The following PITPNM2 variants were observed in gnomAD, a reference collection of about 807,000 sequenced individuals.
PITPNM2 encodes membrane-associated phosphatidylinositol transfer protein 2.
In PITPNM2, 35 loss-of-function variants were observed where a neutral mutation model predicts 132.2. The ratio of observed to expected loss-of-function variants is 0.26; its 90% confidence interval spans 0.20 to 0.35. PITPNM2 has a LOEUF of 0.35. Among genes scored for constraint, PITPNM2 ranks in the 10% least tolerant of loss-of-function variants. PITPNM2 has a pLI of 1.00. For synonymous variants in PITPNM2, 738 were observed against 799.2 expected (o/e 0.92, Z 1.29); for missense variants, 1,332 against 1,912.0 (o/e 0.70, Z 5.66).
At chr12:123,013,781 G>C (rs1391688430) in intron 4 of PITPNM2, 47 bp downstream of exon 4, 24 of 1,584,882 alleles carry the variant, frequency 1.5e-5, no homozygotes, top group Non-Finnish European at 2.0e-5. Context: ...CTTCCCGCCA[G>C]ATGGCATGTG....
At chr12:123,048,357 G>A (rs1274435813) in intron 2 of PITPNM2, among the ~76,000 whole-genome samples, 2 of 151,974 alleles carry the variant, frequency 1.3e-5, no homozygotes, top group East Asian at 3.9e-4. Flanking sequence ...AAAGTAGAAT[G>A]GTGGGTGCTA....
In PITPNM2 at chr12:123,144,979, A is replaced by G. The variant is rs147486373; in HGVS notation, c.-200+5774T>C. Among the ~76,000 whole-genome samples the G allele has an allele frequency of 4.6e-5, 7 of 152,314 alleles. No individual in the cohort carries two copies. In the East Asian group the frequency reaches 1.4e-3, roughly 29 times the overall value. On this transcript the variant is annotated intron_variant, in intron 1 of 25. Coordinates refer to ENST00000320201, the MANE Select transcript of PITPNM2 (RefSeq NM_020845.3). The stretch of plus-strand genomic sequence containing the variant: ...GTGTTTTCCCTAGGAGCAGTGGTTC[A>G]GTGTTCACTAACTCAGTGTTTGAAG...
chr12:123,029,243 C>T (rs537089966), intron 3 of PITPNM2, among the ~76,000 whole-genome samples: 11 of 152,328 alleles, frequency 7.2e-5, no homozygotes, highest in Admixed American at 7.2e-4. Flanking sequence ...CCTCAATTTC[C>T]CCATATGTAA....
At chr12:122,998,222 GGA>G (rs2038512955) in intron 10 of PITPNM2, among the ~76,000 whole-genome samples, 1 of 152,248 alleles carries the variant, frequency 6.6e-6, no homozygotes, top group African/African-American at 2.4e-5. Flanking sequence ...GTCTCCAAAA[GGA>G]GAGGTGTCCT....
intron 1 of PITPNM2, among the ~76,000 whole-genome samples, chr12:123,130,166 C>T (rs1406549451): frequency 6.6e-6 from 1 of 152,074 alleles, no homozygotes; most frequent in Non-Finnish European, 1.5e-5. Context: ...CAGTGAGGAC[C>T]CCAGGGAACC....
rs1212043775 is a variant in PITPNM2 at position 122,986,507 on chromosome 12, C to T, written c.3655G>A (p.Ala1219Thr). The T allele has an allele frequency of 1.1e-5, 17 of 1,592,292 alleles. No individual in the cohort carries two copies. Among genetic ancestry groups the T allele is most frequent in the South Asian group, 2.3e-5 (2 of 88,488 alleles). Residue 1219 changes from alanine (A) to threonine (T), a missense_variant, in exon 25 of 26, where the codon GCC (alanine) becomes ACC (threonine). Ala to Thr is a moderately conservative substitution (Grantham distance 58, BLOSUM62 0). This residue lies in a region of PITPNM2 where 251 missense variants were observed against 472.0 expected (regional missense o/e 0.53). Transcript: ENST00000320201. ...ATCTGCATGGGGGACAGGCTAATGGCGCTGTACACCGCCACGTCCTTGGTG... is the reference window on the plus strand; with the variant it reads ...ATCTGCATGGGGGACAGGCTAATGGTGCTGTACACCGCCACGTCCTTGGTG... ...GSTKDVAVYS[A>T]ISLSPMQIYI... is the part of the protein sequence containing the mutation.
intron 2 of PITPNM2, among the ~76,000 whole-genome samples, chr12:123,069,997 G>T (rs138651254): frequency 6.6e-6 from 1 of 152,276 alleles, no homozygotes; most frequent in Non-Finnish European, 1.5e-5. Flanking sequence ...GTGCTCATAT[G>T]ACAAGCAGGG....
At chr12:123,094,457 T>C (rs745532246) in intron 2 of PITPNM2, among the ~76,000 whole-genome samples, 1 of 152,194 alleles carries the variant, frequency 6.6e-6, no homozygotes, top group Non-Finnish European at 1.5e-5. Flanking sequence ...GCCAGGCTTG[T>C]CCTCCGGCGC....
Position 123,021,506 on chromosome 12 carries a change from T to A in PITPNM2, c.79-7464A>T, listed in dbSNP as rs541092222. Among the ~76,000 whole-genome samples the A allele has an allele frequency of 1.8e-4, 28 of 152,290 alleles. No homozygotes were observed. In the South Asian group the frequency reaches 4.6e-3, roughly 25 times the overall value. On this transcript the variant is annotated intron_variant, in intron 3 of 25. Transcript: ENST00000320201. ...ACCCCACCACACCCAGCTAGTTTTTTATTTTTTTGTAGAGTGCCTTGGTCT... is the reference window on the plus strand; with the variant it reads ...ACCCCACCACACCCAGCTAGTTTTTAATTTTTTTGTAGAGTGCCTTGGTCT...
chr12:123,048,450 G>A (rs1473168749), intron 2 of PITPNM2, among the ~76,000 whole-genome samples: 3 of 151,066 alleles, frequency 2.0e-5, no homozygotes, highest in African/African-American at 7.3e-5. Context: ...CTGTCGCCCA[G>A]GCCGGACTGC....
Position 123,014,037 on chromosome 12 carries a change from C to G in PITPNM2, c.84G>C (p.Lys28Asn). The G allele has an allele frequency of 6.2e-7, 1 of 1,614,220 alleles. No homozygotes were observed. Among genetic ancestry groups the G allele is most frequent in the Non-Finnish European group, 8.5e-7 (1 of 1,180,026 alleles). The change falls in exon 4 of 26, where the codon AAG becomes AAC. Residue 28 changes from lysine (K) to asparagine (N), a missense_variant. Lys to Asn is a moderately conservative substitution (Grantham distance 94). Coordinates refer to ENST00000320201, the MANE Select transcript of PITPNM2 (RefSeq NM_020845.3). ...RIAQLYMIQK[K>N]SRNETYGEGS... ...CTTCGCCATATGTCTCGTTACGGCT[C>G]TTCTTCTGTGGGGACAAAAGCACCT...
rs2042716499 is a variant in PITPNM2, at chr12:123,106,568, C to A, written c.-96+3817G>T. 6.6e-6 allele frequency among the ~76,000 whole-genome samples: 1 copy of A among 152,204 alleles called. No individual in the cohort carries two copies. The highest frequency in any genetic ancestry group is 2.4e-5 in the African/African-American group (1 of 41,448). On this transcript the variant is annotated intron_variant, in intron 2 of 25. Coordinates refer to ENST00000320201, the MANE Select transcript of PITPNM2 (RefSeq NM_020845.3). This position sits in a 1 kb window ranked among gnomAD's most constrained non-coding sequence, Gnocchi z 4.4. Reference sequence around the variant, plus strand: ...CAATTTCTGGCTAAAGCCCTGCGTACTGAGCAGCGTCAGGTGTGTGTCAAA... The same window carrying A: ...CAATTTCTGGCTAAAGCCCTGCGTAATGAGCAGCGTCAGGTGTGTGTCAAA...
chr12:123,112,839 A>G (rs1173665881), intron 1 of PITPNM2, among the ~76,000 whole-genome samples: 1 of 152,162 alleles, frequency 6.6e-6, no homozygotes, highest in Non-Finnish European at 1.5e-5. Context: ...CACCCAGCCT[A>G]AATCTTCAAT....
chr12:123,047,194 C>G (rs1368838965), intron 2 of PITPNM2, among the ~76,000 whole-genome samples: 1 of 152,220 alleles, frequency 6.6e-6, no homozygotes, highest in Non-Finnish European at 1.5e-5. Flanking sequence ...GGATACAACA[C>G]AAGCTAACAG....
At chr12:123,144,551 C>G (rs1046108030) in intron 1 of PITPNM2, among the ~76,000 whole-genome samples, 3 of 152,202 alleles carry the variant, frequency 2.0e-5, no homozygotes, top group African/African-American at 4.8e-5. Context: ...CCTGCCTTAG[C>G]CTCCTGAGTA....
chr12:123,012,478 C>T (rs991954822), intron 5 of PITPNM2, 135 bp downstream of exon 5: 1 of 1,223,618 alleles, frequency 8.2e-7, no homozygotes, highest in Non-Finnish European at 1.1e-6. Context: ...ATGCTTGCTC[C>T]AACTCTGACC....
rs2041846895 is a variant in PITPNM2 at position 123,078,058 on chromosome 12, C to T, written c.-96+32327G>A. 6.9e-6 allele frequency among the ~76,000 whole-genome samples: 1 copy of T among 143,994 alleles called. No individual in the cohort carries two copies. The highest frequency in any genetic ancestry group is 1.5e-5 in the Non-Finnish European group (1 of 65,946). The allele number at this position is 143,994 out of a possible 152,430, so 94.5% of individuals were successfully genotyped here. On this transcript the variant is annotated intron_variant, in intron 2 of 25. Coordinates refer to ENST00000320201, the MANE Select transcript of PITPNM2 (RefSeq NM_020845.3). This position sits in a 1 kb window ranked among gnomAD's most constrained non-coding sequence, Gnocchi z 7.3. ...GAGCTGGGAGACTGGGCAGGGATGCCGGAGGAAGGGAGAAAGGCAGGCCGG... is the reference window on the plus strand; with the variant it reads ...GAGCTGGGAGACTGGGCAGGGATGCTGGAGGAAGGGAGAAAGGCAGGCCGG...
chr12:123,011,767 C>T (rs1472173498), intron 5 of PITPNM2, among the ~76,000 whole-genome samples: 2 of 152,154 alleles, frequency 1.3e-5, no homozygotes, highest in Non-Finnish European at 2.9e-5. Flanking sequence ...CAAGCAGACA[C>T]TGAAGGGGCC....
At position 123,004,478 on chromosome 12, in the gene PITPNM2, G is replaced by A. The variant is rs772008716; in HGVS notation, c.964C>T (p.Arg322Cys). The change falls in exon 8 of 26, where the codon CGC becomes TGC. Residue 322 changes from arginine to cysteine, a missense_variant. This residue lies in a region of PITPNM2 where 710 missense variants were observed against 911.5 expected (regional missense o/e 0.78). Coordinates refer to ENST00000320201, the MANE Select transcript of PITPNM2 (RefSeq NM_020845.3). The surrounding 1 kb of genome is among the most constrained non-coding windows in gnomAD (Gnocchi z 4.9). The part of the protein sequence containing the change: ...RSSKRGASPS[R>C]HSISEWRMQS... Reference sequence around the variant, plus strand: ...ATCCTCCACTCTGAGATGCTGTGGCGGGAAGGACTCGCTGGAAGGCAAAAC... The same window carrying A: ...ATCCTCCACTCTGAGATGCTGTGGCAGGAAGGACTCGCTGGAAGGCAAAAC... 2.6e-5 allele frequency: 42 copies of A among 1,613,630 alleles called. No homozygotes were observed. In the South Asian group the frequency reaches 3.5e-4, roughly 13 times the overall value.
Sources: allele counts gnomAD v4.1 joint callset (sites outside exome capture counted in the v4.1 genomes callset), GRCh38; gene constraint gnomAD v4.1.1; regional missense constraint gnomAD v4.1.1; non-coding constraint Gnocchi (gnomAD v3.1); transcripts MANE v1.5; gene names NCBI Gene and HGNC (gene_info 2026-07-23, HGNC 2026-07-21).